Variants in PALLD observed in about 807,000 individuals in gnomAD.
PALLD encodes the protein palladin.
PALLD carries 61 observed loss-of-function variants against 123.5 expected under a neutral mutation model. The ratio of observed to expected loss-of-function variants is 0.49; its 90% CI spans 0.40 to 0.61. The LOEUF is 0.61. Ranked by LOEUF, PALLD falls within the 20% of genes least tolerant of loss-of-function variation. PALLD has a pLI of 0.00. For missense variants in PALLD, 1,273 were observed against 1,377.0 expected (o/e 0.92, Z 1.20); for synonymous variants, 465 against 496.4 (o/e 0.94, Z 0.84).
chr4:168,780,192 C>G (rs193243446), intron 10 of PALLD, among the ~76,000 whole-genome samples: 25 of 152,332 alleles, frequency 1.6e-4, no homozygotes, highest in Non-Finnish European at 2.6e-4. Context: ...GGCCACCGCA[C>G]CTGGTCTCAC....
chr4:168,622,415 C>A (rs1264355516), intron 2 of PALLD, among the ~76,000 whole-genome samples: 1 of 152,162 alleles, frequency 6.6e-6, no homozygotes, highest in Non-Finnish European at 1.5e-5. Context: ...TCTCACCAGT[C>A]GGCATGATTC....
At chr4:168,910,681 C>A (rs573340465) in intron 15 of PALLD, among the ~76,000 whole-genome samples, 15 of 152,018 alleles carry the variant, frequency 9.9e-5, no homozygotes, top group Non-Finnish European at 1.8e-4. Flanking sequence ...AACTATATGG[C>A]CTTGTTTTAC....
At chr4:168,890,353 T>G (rs922226570) in intron 10 of PALLD, among the ~76,000 whole-genome samples, 1 of 152,142 alleles carries the variant, frequency 6.6e-6, no homozygotes, top group Non-Finnish European at 1.5e-5. Flanking sequence ...CAAATAACAT[T>G]GGCCTACCCT....
chr4:168,666,231 A>G (rs953874008), intron 2 of PALLD, among the ~76,000 whole-genome samples: 1 of 152,138 alleles, frequency 6.6e-6, no homozygotes, highest in African/African-American at 2.4e-5. Context: ...CCTTCTCTCT[A>G]TGGAACCTCT....
At chr4:168,709,523 G>C (rs1784532101) in intron 9 of PALLD, among the ~76,000 whole-genome samples, 1 of 242 alleles carries the variant, frequency 4.1e-3, no homozygotes, top group African/African-American at 0.01. Flanking sequence ...AGGAAGGAAG[G>C]AAGGAAGGAA....
At chr4:168,774,685 G>A (rs1389987310) in intron 10 of PALLD, among the ~76,000 whole-genome samples, 2 of 133,482 alleles carry the variant, frequency 1.5e-5, no homozygotes, top group Non-Finnish European at 3.0e-5. Context: ...CCGAGATCAT[G>A]CCACTGCACT....
intron 3 of PALLD, among the ~76,000 whole-genome samples, chr4:168,670,589 C>T (rs188646963): frequency 0.023 from 3,435 of 150,622 alleles, 50 homozygotes; most frequent in Non-Finnish European, 0.037. Flanking sequence ...AAAAATTAGC[C>T]GGGCGCGGTG....
chr4:168,570,668 C>T (rs1041918645), intron 2 of PALLD, among the ~76,000 whole-genome samples: 3 of 152,000 alleles, frequency 2.0e-5, no homozygotes, highest in African/African-American at 2.4e-5. Flanking sequence ...TTTTTCCACA[C>T]AAAGATCCAA....
At chr4:168,592,924 A>G (rs556532024) in intron 2 of PALLD, among the ~76,000 whole-genome samples, 2 of 152,172 alleles carry the variant, frequency 1.3e-5, no homozygotes, top group South Asian at 2.1e-4. Context: ...GAAGAGACCT[A>G]CGTGTCTAGA....
intron 9 of PALLD, among the ~76,000 whole-genome samples, chr4:168,709,427 T>C (rs990600354): frequency 6.6e-6 from 1 of 150,420 alleles, no homozygotes; most frequent in Admixed American, 6.7e-5. Context: ...GGAGAATCAC[T>C]TGAACCCAGA....
Position 168,816,411 on chromosome 4 carries a change from A to ATTTTTT in PALLD, c.1965-74510_1965-74509insTTTTTT, listed in dbSNP as rs201234473. Among the ~76,000 whole-genome samples, 5 of 113,696 alleles carry ATTTTTT rather than the reference A, an allele frequency of 4.4e-5. No homozygotes were observed. In the East Asian group the frequency reaches 1.2e-3, roughly 28 times the overall value. 74.6% of individuals were successfully genotyped at this position (113,696 alleles called of 152,430 possible). ...TGTGTATATATATATATATATATATATATTTTTTTTAAGTATTAGATTGGA... is the reference window on the plus strand; with the variant it reads ...TGTGTATATATATATATATATATATATTTTTTTATTTTTTTTAAGTATTAGATTGGA... On this transcript the variant is annotated intron_variant, in intron 10 of 21. Transcript: ENST00000505667.
At chr4:168,880,050 T>C (rs979882462) in intron 10 of PALLD, among the ~76,000 whole-genome samples, 6 of 152,236 alleles carry the variant, frequency 3.9e-5, no homozygotes, top group Non-Finnish European at 7.3e-5. Context: ...TGTTCTAATA[T>C]TTCTCTTATA....
chr4:168,534,345 A>G (rs755678982), intron 2 of PALLD, among the ~76,000 whole-genome samples: 3 of 152,248 alleles, frequency 2.0e-5, no homozygotes, highest in Admixed American at 1.3e-4. Flanking sequence ...TTCATCTGAG[A>G]GTCAGTCAGA....
chr4:168,841,580 C>T (rs1237222618), intron 10 of PALLD, among the ~76,000 whole-genome samples: 2 of 152,204 alleles, frequency 1.3e-5, no homozygotes, highest in Admixed American at 6.5e-5. Context: ...GTAGACACCT[C>T]AGCCACGGAG....
intron 2 of PALLD, chr4:168,631,692 A>G (rs1775828063): frequency 2.0e-6 from 2 of 985,300 alleles, no homozygotes; most frequent in Non-Finnish European, 2.4e-6. Context: ...GCTTCCCGGG[A>G]GCCGGCGGGG....
chr4:168,847,055 T>C (rs192959951), intron 10 of PALLD, among the ~76,000 whole-genome samples: 2 of 152,352 alleles, frequency 1.3e-5, no homozygotes, highest in Admixed American at 1.3e-4. Context: ...TTAAGGCTTC[T>C]TAATTGAATT....
intron 10 of PALLD, among the ~76,000 whole-genome samples, chr4:168,740,844 G>T (rs568084802): frequency 1.3e-5 from 2 of 152,210 alleles, no homozygotes; most frequent in South Asian, 2.1e-4. Flanking sequence ...TTAAGTGCAG[G>T]GTACGATAGC....
intron 10 of PALLD, chr4:168,863,869 A>G (rs1018246368): frequency 1.3e-5 from 2 of 152,226 alleles, no homozygotes; most frequent in Admixed American, 1.3e-4. Context: ...ATTCACCACA[A>G]AAATACTTAC....
chr4:168,660,245 A>T (rs577125600), intron 2 of PALLD, among the ~76,000 whole-genome samples: 2 of 152,278 alleles, frequency 1.3e-5, no homozygotes, highest in East Asian at 3.9e-4. Flanking sequence ...GTTTTCAAGG[A>T]CAGCCATTTG....
Sources: allele counts gnomAD v4.1 joint callset (sites outside exome capture counted in the v4.1 genomes callset), GRCh38; gene constraint gnomAD v4.1.1; transcripts MANE v1.5; gene names NCBI Gene and HGNC (gene_info 2026-07-23, HGNC 2026-07-21).